Variants in KIAA1217 observed in about 807,000 individuals in gnomAD.
KIAA1217 encodes KIAA1217.
In KIAA1217, 88 loss-of-function variants were observed where a neutral mutation model predicts 163.9. That is an observed-to-expected ratio of 0.54 (90% CI 0.45 to 0.64). The LOEUF (loss-of-function observed/expected upper bound fraction) is 0.64, where lower values mean the gene tolerates loss of function less well. Among genes scored for constraint, KIAA1217 ranks in the 30% least tolerant of loss-of-function variants. The pLI, the probability that KIAA1217 is intolerant of heterozygous loss-of-function variation, is 0.00. For synonymous variants in KIAA1217, 903 were observed against 923.1 expected (o/e 0.98, Z 0.39); for missense variants, 2,372 against 2,475.0 (o/e 0.96, Z 0.88).
intron 1 of KIAA1217, among the ~76,000 whole-genome samples, chr10:23,940,728 A>G (rs755067703): frequency 3.2e-4 from 49 of 152,202 alleles, no homozygotes; most frequent in Admixed American, 1.1e-3. Context: ...AAAGGATTCC[A>G]TCATACAATG....
At chr10:23,753,516 C>G (rs1833764006) in intron 1 of KIAA1217, among the ~76,000 whole-genome samples, 1 of 152,124 alleles carries the variant, frequency 6.6e-6, no homozygotes. Flanking sequence ...AGGATGCAAG[C>G]TAGGAATTGA....
intron 1 of KIAA1217, among the ~76,000 whole-genome samples, chr10:23,995,134 C>A (rs190524881): frequency 6.7e-4 from 102 of 152,198 alleles, no homozygotes; most frequent in African/African-American, 2.3e-3. Flanking sequence ...TAGCACTTGC[C>A]GTGTGCCAAG....
chr10:23,966,570 T>G (rs2131382395), intron 1 of KIAA1217, among the ~76,000 whole-genome samples: 1 of 152,318 alleles, frequency 6.6e-6, no homozygotes, highest in African/African-American at 2.4e-5. Context: ...GCCTTCATTC[T>G]TGCTATGAAG....
intron 1 of KIAA1217, among the ~76,000 whole-genome samples, chr10:23,967,899 ATGTGTGTGTGTGTGTGTG>A (rs58562978): frequency 4.2e-5 from 6 of 143,842 alleles, no homozygotes; most frequent in African/African-American, 1.5e-4. Flanking sequence ...AATATATTAA[ATGTGTGTGTGTGTGTGTG>A]TGTGTGTGTG....
At chr10:24,358,753 TTTTG>T (rs2049470612) in intron 2 of KIAA1217, among the ~76,000 whole-genome samples, 1 of 152,234 alleles carries the variant, frequency 6.6e-6, no homozygotes, top group African/African-American at 2.4e-5. Context: ...GCAATTTGTT[TTTTG>T]TTTGTTTATT....
intron 1 of KIAA1217, among the ~76,000 whole-genome samples, chr10:23,836,558 A>G (rs1838462304): frequency 6.6e-6 from 1 of 151,790 alleles, no homozygotes; most frequent in South Asian, 2.1e-4. Context: ...AAGAGGTACA[A>G]ATGCAATTTA....
In KIAA1217 at chr10:23,842,013, A is replaced by G. The variant is rs182040617; in HGVS notation, c.-321+146779A>G. Among the ~76,000 whole-genome samples the G allele has an allele frequency of 4.8e-3, 724 of 151,972 alleles. 10 individuals are homozygous for G. Among genetic ancestry groups the G allele is most frequent in the African/African-American group, 0.016 (655 of 41,452 alleles). The stretch of plus-strand genomic sequence containing the variant: ...CTCCCAAGTAGCTGGGATTACAGGC[A>G]CGTGCTACCACACTTGGCTAACTTT... On this transcript the variant is annotated intron_variant, in intron 1 of 18. Coordinates refer to the KIAA1217 transcript ENST00000376462.
chr10:23,848,105 A>G (rs574993548), intron 1 of KIAA1217, among the ~76,000 whole-genome samples: 3 of 152,068 alleles, frequency 2.0e-5, no homozygotes, highest in East Asian at 3.9e-4. Flanking sequence ...ATTCTTTTGC[A>G]TTTGCTGAGG....
chr10:24,090,970 C>T (rs558839303), intron 2 of KIAA1217, among the ~76,000 whole-genome samples: 1 of 152,034 alleles, frequency 6.6e-6, no homozygotes, highest in East Asian at 1.9e-4. Context: ...TTATATTACA[C>T]TTATGATGGT....
chr10:24,204,380 T>C (rs1026292814), upstream of KIAA1217, among the ~76,000 whole-genome samples: 7 of 152,200 alleles, frequency 4.6e-5, no homozygotes, highest in African/African-American at 1.7e-4. Flanking sequence ...TAGAAATGTA[T>C]TATACTATGG....
At chr10:24,379,100 A>G (rs1166080251) in intron 2 of KIAA1217, among the ~76,000 whole-genome samples, 1 of 147,620 alleles carries the variant, frequency 6.8e-6, no homozygotes, top group Admixed American at 6.7e-5. Flanking sequence ...TTTCTTGGCT[A>G]TCTTGCTAAA....
intron 3 of KIAA1217, among the ~76,000 whole-genome samples, chr10:24,432,386 G>C (rs1420425554): frequency 2.0e-4 from 30 of 152,128 alleles, no homozygotes; most frequent in Admixed American, 2.0e-3. Flanking sequence ...CCAAAGTGCT[G>C]GGATTACAGG....
At chr10:24,437,858 T>C (rs1418031157) in intron 4 of KIAA1217, among the ~76,000 whole-genome samples, 1 of 145,688 alleles carries the variant, frequency 6.9e-6, no homozygotes, top group South Asian at 2.2e-4. Flanking sequence ...TTTTTTTTTT[T>C]CTGGACTCCA....
At chr10:24,059,733 G>A (rs1290131195) in intron 2 of KIAA1217, among the ~76,000 whole-genome samples, 4 of 151,990 alleles carry the variant, frequency 2.6e-5, no homozygotes, top group East Asian at 1.9e-4. Flanking sequence ...ACCCGCCACT[G>A]CACCCAGGTT....
intron 1 of KIAA1217, among the ~76,000 whole-genome samples, chr10:23,994,507 T>A: frequency 6.6e-6 from 1 of 151,972 alleles, no homozygotes; most frequent in East Asian, 1.9e-4. Flanking sequence ...CAGGTCAAGC[T>A]TTGGAGAAAT....
chr10:24,240,172 T>C (rs2072890649), intron 2 of KIAA1217, among the ~76,000 whole-genome samples: 3 of 152,158 alleles, frequency 2.0e-5, no homozygotes, highest in African/African-American at 4.8e-5. Flanking sequence ...CGGCTGTGGA[T>C]CTGTGAGTTA....
intron 2 of KIAA1217, among the ~76,000 whole-genome samples, chr10:24,341,200 T>C (rs1332381847): frequency 6.6e-6 from 1 of 152,218 alleles, no homozygotes; most frequent in Non-Finnish European, 1.5e-5. Flanking sequence ...GTGCCCAGCT[T>C]GCAAATGAAC....
intron 1 of KIAA1217, among the ~76,000 whole-genome samples, chr10:23,838,748 A>G (rs1679487268): frequency 6.6e-6 from 1 of 151,858 alleles, no homozygotes; most frequent in South Asian, 2.1e-4. Context: ...GGCGTGAACC[A>G]GCACACCCAG....
chr10:24,337,187 G>A (rs972167294), intron 2 of KIAA1217, among the ~76,000 whole-genome samples: 10 of 152,148 alleles, frequency 6.6e-5, no homozygotes, highest in African/African-American at 9.7e-5. Flanking sequence ...CATTCAGAAG[G>A]TATTTTTAAA....
Sources: gnomAD v4.1 joint callset for allele counts (sites outside exome capture counted in the v4.1 genomes callset) on GRCh38, gnomAD v4.1.1 for gene constraint, MANE v1.5 for transcripts, NCBI Gene and HGNC (gene_info 2026-07-23, HGNC 2026-07-21) for gene names.